PTBP3: variants seen among roughly 807,000 people sequenced by gnomAD.
PTBP3 encodes the protein polypyrimidine tract-binding protein 3.
PTBP3 carries 20 observed loss-of-function variants against 58.7 expected under a neutral mutation model. The observed-to-expected ratio is 0.34, with a 90% CI of 0.24 to 0.50. PTBP3 has a LOEUF of 0.50. Ranked by LOEUF, PTBP3 falls within the 20% of genes least tolerant of loss-of-function variation. The probability of loss-of-function intolerance (pLI) is 0.98; values close to 1 mark genes in which losing one functional copy is unlikely to be tolerated. For synonymous variants in PTBP3, 185 were observed against 219.8 expected (o/e 0.84, Z 1.40); for missense variants, 509 against 637.2 (o/e 0.80, Z 2.17).
chr9:112,271,718 CA>C (rs1827393236), intron 3 of PTBP3, among the ~76,000 whole-genome samples: 1 of 151,664 alleles, frequency 6.6e-6, no homozygotes, highest in Non-Finnish European at 1.5e-5. Context: ...GCCTGGGCAA[CA>C]GAGCAAGACT....
At chr9:112,246,113 G>A (rs1466233296) in intron 7 of PTBP3, among the ~76,000 whole-genome samples, 1 of 151,764 alleles carries the variant, frequency 6.6e-6, no homozygotes, top group Non-Finnish European at 1.5e-5. Flanking sequence ...CCCCCTAGTA[G>A]CTGGGACTAC....
chr9:112,363,516 TC>T, the PTBP3 span, among the ~76,000 whole-genome samples: 4 of 134,776 alleles, frequency 3.0e-5, no homozygotes, highest in Non-Finnish European at 6.3e-5. Context: ...AGCAAAACTG[TC>T]ACACACACAC....
chr9:112,320,158 G>A (rs1021138090), intron 1 of PTBP3, among the ~76,000 whole-genome samples: 15 of 151,216 alleles, frequency 9.9e-5, no homozygotes, highest in Non-Finnish European at 2.1e-4. Flanking sequence ...GCACCCTATA[G>A]GCCTAGCTAC....
At chr9:112,329,561 A>C (rs1830285401) in intron 1 of PTBP3, among the ~76,000 whole-genome samples, 1 of 152,240 alleles carries the variant, frequency 6.6e-6, no homozygotes, top group Non-Finnish European at 1.5e-5. Flanking sequence ...AGCTAGGTAT[A>C]ACGAAAAAAA....
intron 1 of PTBP3, among the ~76,000 whole-genome samples, chr9:112,316,146 T>C (rs1393339187): frequency 6.6e-6 from 1 of 152,164 alleles, no homozygotes. Context: ...GTTTCTCTTG[T>C]GGCATGGTAG....
intron 2 of PTBP3, among the ~76,000 whole-genome samples, chr9:112,280,525 C>A (rs10481666): frequency 0.059 from 8,963 of 152,246 alleles, 756 homozygotes; most frequent in African/African-American, 0.19. Flanking sequence ...GCTGTAGTTT[C>A]ATACCTTTAT....
intron 1 of PTBP3, among the ~76,000 whole-genome samples, chr9:112,308,990 T>C (rs145811493): frequency 1.1e-4 from 16 of 152,314 alleles, no homozygotes; most frequent in African/African-American, 3.8e-4. Context: ...TCAAATTTGA[T>C]AGGAATTGGT....
At chr9:112,347,489 G>A in the PTBP3 span, among the ~76,000 whole-genome samples, 1 of 152,122 alleles carries the variant, frequency 6.6e-6, no homozygotes, top group South Asian at 2.1e-4. Context: ...CTACAGGCAT[G>A]TGCCACCACG....
intron 5 of PTBP3, among the ~76,000 whole-genome samples, chr9:112,254,125 G>C (rs946617408): frequency 2.0e-5 from 3 of 151,970 alleles, no homozygotes; most frequent in African/African-American, 7.3e-5. Flanking sequence ...CAAGTAGCTG[G>C]GACTACACCA....
At chr9:112,295,802 C>T (rs566577520) in intron 2 of PTBP3, among the ~76,000 whole-genome samples, 1 of 151,964 alleles carries the variant, frequency 6.6e-6, no homozygotes, top group East Asian at 1.9e-4. Context: ...AAAGATAATA[C>T]CAAAAAATGA....
chr9:112,307,901 G>C (rs557448206), intron 1 of PTBP3, among the ~76,000 whole-genome samples: 1 of 152,148 alleles, frequency 6.6e-6, no homozygotes, highest in East Asian at 1.9e-4. Flanking sequence ...TTTGAGTGCC[G>C]CCCAACGCAA....
chr9:112,333,096 C>T (rs1032125927), intron 1 of PTBP3: 55 of 1,270,148 alleles, frequency 4.3e-5, no homozygotes, highest in Non-Finnish European at 5.0e-5. Context: ...CCCCCAGCGC[C>T]GCGCACCATT....
At chr9:112,270,535 T>A (rs1261205031) in intron 3 of PTBP3, among the ~76,000 whole-genome samples, 3 of 151,300 alleles carry the variant, frequency 2.0e-5, no homozygotes, top group Non-Finnish European at 4.4e-5. Flanking sequence ...TTTTTAAAGG[T>A]TTCCCAAGAT....
chr9:112,379,844 A>AAT, the PTBP3 span: 1 of 507,072 alleles, frequency 2.0e-6, no homozygotes, highest in Non-Finnish European at 3.5e-6. Flanking sequence ...CCCAGACGCT[A>AAT]GGCGCCGACA....
chr9:112,329,409 G>T (rs1471372683), intron 1 of PTBP3, among the ~76,000 whole-genome samples: 1 of 56,484 alleles, frequency 1.8e-5, no homozygotes, highest in African/African-American at 7.5e-5. Flanking sequence ...GGGAGGCTCC[G>T]CCTCAAAAAA....
At chr9:112,247,275 TA>T (rs879827128) in intron 7 of PTBP3, among the ~76,000 whole-genome samples, 3 of 64,558 alleles carry the variant, frequency 4.6e-5, no homozygotes, top group East Asian at 1.4e-3. Flanking sequence ...CAATAATAAA[TA>T]AATAAATAAA....
chr9:112,333,870 G>A (rs1423783342), upstream of PTBP3, among the ~76,000 whole-genome samples: 2 of 147,344 alleles, frequency 1.4e-5, no homozygotes, highest in African/African-American at 2.5e-5. Flanking sequence ...GCGCGCGCGC[G>A]CCCCCAGCCT....
At chr9:112,309,527 G>A (rs924221113) in intron 1 of PTBP3, among the ~76,000 whole-genome samples, 1 of 152,116 alleles carries the variant, frequency 6.6e-6, no homozygotes, top group African/African-American at 2.4e-5. Context: ...GCTCACTCCT[G>A]TAATCCCAGC....
rs774008814 is a variant in PTBP3, at chr9:112,219,407, T to G, written c.*4444A>C. Reference sequence around the variant, plus strand: ...GAAGTGAAAATAATACAACAACAAATCAGTTGACAATGCTGATTTAAGCAT... The same window carrying G: ...GAAGTGAAAATAATACAACAACAAAGCAGTTGACAATGCTGATTTAAGCAT... On this transcript the variant is annotated 3_prime_UTR_variant, in exon 14 of 14. Coordinates refer to ENST00000374257, the MANE Select transcript of PTBP3 (RefSeq NM_001163788.4). 2 of 152,290 alleles carry G rather than the reference T, an allele frequency of 1.3e-5. No homozygotes were observed. The highest frequency in any genetic ancestry group is 2.9e-5 in the Non-Finnish European group (2 of 68,024). 9.4% of individuals were successfully genotyped at this position (152,290 alleles called of 1,614,324 possible).
Sources: allele counts gnomAD v4.1 joint callset (sites outside exome capture counted in the v4.1 genomes callset), GRCh38; gene constraint gnomAD v4.1.1; transcripts MANE v1.5; gene names NCBI Gene and HGNC (gene_info 2026-07-23, HGNC 2026-07-21).